EIF4G3: variants seen among roughly 807,000 people sequenced by gnomAD.
EIF4G3 encodes the protein eukaryotic translation initiation factor 4 gamma 3.
Under a neutral mutation model 186.4 loss-of-function variants are expected in EIF4G3, and 34 were observed. The observed-to-expected ratio is 0.18, with a 90% CI of 0.14 to 0.24. EIF4G3 has a LOEUF of 0.24. Ranked by LOEUF, EIF4G3 falls within the 10% of genes least tolerant of loss-of-function variation. The pLI, the probability that EIF4G3 is intolerant of heterozygous loss-of-function variation, is 1.00. For missense variants in EIF4G3, 1,536 were observed against 1,948.5 expected (o/e 0.79, Z 3.99); for synonymous variants, 673 against 679.5 (o/e 0.99, Z 0.15).
chr1:20,972,305 C>A (rs1435972808), intron 11 of EIF4G3, among the ~76,000 whole-genome samples: 1 of 151,568 alleles, frequency 6.6e-6, no homozygotes. Flanking sequence ...CTATTTTTTT[C>A]TTCTGTCAAT....
At chr1:20,959,351 C>T (rs149332113) in intron 12 of EIF4G3, among the ~76,000 whole-genome samples, 4 of 151,982 alleles carry the variant, frequency 2.6e-5, no homozygotes, top group African/African-American at 9.6e-5. Flanking sequence ...AAGAATGAAA[C>T]GATCCCTATT....
intron 12 of EIF4G3, among the ~76,000 whole-genome samples, chr1:20,965,775 T>A (rs780409852): frequency 2.6e-5 from 4 of 152,210 alleles, no homozygotes; most frequent in Non-Finnish European, 4.4e-5. Context: ...ATATTAGTAA[T>A]AGATATTTGC....
Position 20,949,994 on chromosome 1 carries a change from T to A in EIF4G3, c.823+9A>T. On this transcript the variant is annotated intron_variant, in intron 13 of 36. Transcript: ENST00000602326. ...AAGATAAGAGGGAGGAAAACAGTCATACACAAACCTTGCTTCTGGTCGCTA... is the reference window on the plus strand; with the variant it reads ...AAGATAAGAGGGAGGAAAACAGTCAAACACAAACCTTGCTTCTGGTCGCTA... The A allele has an allele frequency of 6.2e-7, 1 of 1,610,422 alleles. No homozygotes were observed. Among genetic ancestry groups the A allele is most frequent in the Non-Finnish European group, 8.5e-7 (1 of 1,177,192 alleles).
At chr1:21,024,324 G>A (rs546453814) in intron 4 of EIF4G3, among the ~76,000 whole-genome samples, 51 of 151,418 alleles carry the variant, frequency 3.4e-4, no homozygotes, top group South Asian at 2.7e-3. Context: ...CCGGCCAGCC[G>A]CCCCGACCGT....
At chr1:21,165,687 G>C (rs1173016260) in intron 2 of EIF4G3, among the ~76,000 whole-genome samples, 1 of 152,110 alleles carries the variant, frequency 6.6e-6, no homozygotes, top group East Asian at 1.9e-4. Flanking sequence ...GGGGGAAAAT[G>C]GGGAGTCATG....
intron 19 of EIF4G3, among the ~76,000 whole-genome samples, chr1:20,880,990 C>T: frequency 6.6e-6 from 1 of 152,042 alleles, no homozygotes; most frequent in East Asian, 1.9e-4. Context: ...TTTATATGAA[C>T]ACACACACAC....
At chr1:21,075,570 CAAAAAAAAAAAAAAAA>C (rs55649192) in intron 3 of EIF4G3, among the ~76,000 whole-genome samples, 13 of 51,552 alleles carry the variant, frequency 2.5e-4, no homozygotes, top group East Asian at 1.8e-3. Context: ...CTCCAACTCA[CAAAAAAAAAAAAAAAA>C]AAAAAAAAAA....
At position 20,862,222 on chromosome 1, in the gene EIF4G3, A is replaced by T; in HGVS notation, c.3111+6T>A. 6.5e-7 allele frequency: 1 copy of T among 1,540,394 alleles called. No homozygotes were observed. The highest frequency in any genetic ancestry group is 8.8e-7 in the Non-Finnish European group (1 of 1,133,806). On this transcript the variant is annotated splice_donor_region_variant and intron_variant, in intron 23 of 36. Transcript: ENST00000602326. ...CAGGCTTATTATTATTTTTTTTCCC[A>T]CTCACCAGCCTTAGGTCTATAACAT...
At chr1:21,148,493 G>C (rs1323061590) in intron 2 of EIF4G3, among the ~76,000 whole-genome samples, 1 of 152,056 alleles carries the variant, frequency 6.6e-6, no homozygotes, top group Non-Finnish European at 1.5e-5. Flanking sequence ...ACGAGGTCAG[G>C]AGATCGAGAC....
chr1:20,862,241 A>T lies in EIF4G3; in HGVS notation c.3098T>A (p.Ile1033Lys). 2 of 1,602,152 alleles carry T rather than the reference A, an allele frequency of 1.2e-6. No individual in the cohort carries two copies. The highest frequency in any genetic ancestry group is 1.7e-6 in the Non-Finnish European group (2 of 1,172,764). ...TTTCCCACTCACCAGCCTTAGGTCTATAACATCTTGAAGCATGAACCGAAT... is the reference window on the plus strand; with the variant it reads ...TTTCCCACTCACCAGCCTTAGGTCTTTAACATCTTGAAGCATGAACCGAAT... Reference protein sequence around the residue: ...SRIRFMLQDVIDLRLCNWVSR... With the variant: ...SRIRFMLQDVKDLRLCNWVSR... Residue 1033 changes from isoleucine to lysine, a missense_variant, in exon 23 of 37, where the codon ATA becomes AAA. Ile to Lys is a moderately radical substitution (Grantham distance 102, BLOSUM62 -3). Transcript: ENST00000602326.
chr1:20,840,978 A>C lies in EIF4G3; in HGVS notation c.3939T>G (p.Val1313=), dbSNP rs1218178312. The C allele has an allele frequency of 2.5e-6, 4 of 1,614,062 alleles. No individual in the cohort carries two copies. The highest frequency in any genetic ancestry group is 1.1e-5 in the South Asian group (1 of 91,088). Residue 1313 remains valine (V), a synonymous_variant, in exon 30 of 37, where the codon GTT becomes GTG. Transcript: ENST00000602326. ...EELNAQGLLH[V]FVRVGVESTL... The stretch of plus-strand genomic sequence containing the variant: ...TGGACTCCACTCCCACTCTCACAAA[A>C]ACATGTAGTAGGCCCTGGGCATTCA...
At chr1:20,984,755 A>G (rs1193467268) in intron 7 of EIF4G3, among the ~76,000 whole-genome samples, 1 of 151,800 alleles carries the variant, frequency 6.6e-6, no homozygotes, top group Admixed American at 6.6e-5. Flanking sequence ...ACGCCCAGCT[A>G]ATTTTTGTAT....
At chr1:20,951,823 A>C (rs1459922564) in intron 12 of EIF4G3, among the ~76,000 whole-genome samples, 6 of 152,180 alleles carry the variant, frequency 3.9e-5, no homozygotes, top group Non-Finnish European at 2.9e-5. Context: ...GATGTTTAAG[A>C]CAGTAAAAGG....
In EIF4G3 at chr1:21,112,906, A is replaced by C. The variant is rs192478815; in HGVS notation, c.-271-23693T>G. Among the ~76,000 whole-genome samples, 375 of 152,284 alleles carry C rather than the reference A, an allele frequency of 2.5e-3. 4 individuals are homozygous for C. Among genetic ancestry groups the C allele is most frequent in the Non-Finnish European group, 1.2e-3 (83 of 68,018 alleles). On this transcript the variant is annotated intron_variant, in intron 2 of 36. Transcript: ENST00000602326. ...TCCAAATTTAAAACTCTACCAAAAA[A>C]AGTTTTGAAAAATCAAATGCCATTT...
At chr1:20,926,670 A>C (rs1288188389) in intron 14 of EIF4G3, among the ~76,000 whole-genome samples, 1 of 137,630 alleles carries the variant, frequency 7.3e-6, no homozygotes, top group African/African-American at 2.6e-5. Context: ...CTGTCTCAGA[A>C]AAAAGAAAAG....
Position 20,865,268 on chromosome 1 carries a change from T to A in EIF4G3, c.2623-6A>T, listed in dbSNP as rs149169407. ...TCTGCCATGGGTACTTTCAGCTACA[T>A]CCAGACAGGAAAATAAAAAAAATCA... On this transcript the variant is annotated splice_region_variant and splice_polypyrimidine_tract_variant and intron_variant, in intron 20 of 36. Transcript: ENST00000602326. 11 of 1,608,240 alleles carry A rather than the reference T, an allele frequency of 6.8e-6. No individual in the cohort carries two copies. Among genetic ancestry groups the A allele is most frequent in the Non-Finnish European group, 9.3e-6 (11 of 1,178,500 alleles).
intron 4 of EIF4G3, among the ~76,000 whole-genome samples, chr1:21,048,802 G>T (rs1208908367): frequency 1.3e-5 from 2 of 152,072 alleles, no homozygotes; most frequent in Non-Finnish European, 2.9e-5. Flanking sequence ...TCTCCAACAA[G>T]GTCAAGATCT....
intron 16 of EIF4G3, among the ~76,000 whole-genome samples, chr1:20,898,913 C>T (rs907595534): frequency 2.0e-5 from 3 of 151,972 alleles, no homozygotes; most frequent in Admixed American, 2.0e-4. Flanking sequence ...TATTTTTAGT[C>T]GAGACGGGGT....
chr1:21,094,211 G>A (rs576196806), intron 2 of EIF4G3, among the ~76,000 whole-genome samples: 19 of 151,744 alleles, frequency 1.3e-4, no homozygotes, highest in South Asian at 2.1e-4. Context: ...ACAGTGTGGC[G>A]ATTCCTCAAG....
Sources: gnomAD v4.1 joint callset for allele counts (sites outside exome capture counted in the v4.1 genomes callset) on GRCh38, gnomAD v4.1.1 for gene constraint, MANE v1.5 for transcripts, NCBI Gene and HGNC (gene_info 2026-07-23, HGNC 2026-07-21) for gene names.